LHFPL3: variants seen among roughly 807,000 people sequenced by gnomAD.
LHFPL3 encodes LHFPL tetraspan subfamily member 3 protein.
A neutral mutation model predicts 19.3 loss-of-function variants in LHFPL3; 5 were observed. That is an observed-to-expected ratio of 0.26 (90% confidence interval 0.14 to 0.54). The LOEUF (loss-of-function observed/expected upper bound fraction) is 0.54. Ranked by LOEUF, LHFPL3 falls within the 20% of genes least tolerant of loss-of-function variation. The pLI is 0.94. For synonymous variants in LHFPL3, 133 were observed against 126.2 expected, an observed-to-expected ratio of 1.05 and a Z score of -0.36; for missense variants, 249 against 307.4, an observed-to-expected ratio of 0.81 and a Z score of 1.42.
At chr7:104,838,260 G>A (rs1338757308) in intron 2 of LHFPL3, among the ~76,000 whole-genome samples, 2 of 152,100 alleles carry the variant, frequency 1.3e-5, no homozygotes, top group East Asian at 3.8e-4. Context: ...ATCTATCTGG[G>A]GAGGGAGGAA....
intron 2 of LHFPL3, among the ~76,000 whole-genome samples, chr7:104,821,219 T>C (rs1790671194): frequency 6.6e-6 from 1 of 152,224 alleles, no homozygotes; most frequent in Admixed American, 6.5e-5. Flanking sequence ...CAAGTGTCTA[T>C]GAGTGGCGAG....
At chr7:104,385,994 A>G (rs1790934880) in intron 1 of LHFPL3, among the ~76,000 whole-genome samples, 2 of 152,160 alleles carry the variant, frequency 1.3e-5, no homozygotes, top group African/African-American at 4.8e-5. Flanking sequence ...AATTAACCAA[A>G]GGCTTACAAA....
At chr7:104,797,531 T>C (rs140676486) in intron 2 of LHFPL3, among the ~76,000 whole-genome samples, 8 of 152,264 alleles carry the variant, frequency 5.3e-5, no homozygotes, top group Non-Finnish European at 8.8e-5. Flanking sequence ...AGTCAGCCCA[T>C]GATGGAGATG....
intron 1 of LHFPL3, among the ~76,000 whole-genome samples, chr7:104,646,744 C>G (rs1791942698): frequency 6.6e-6 from 1 of 152,220 alleles, no homozygotes; most frequent in African/African-American, 2.4e-5. Flanking sequence ...TTATTTTCCA[C>G]AAGAATGATA....
At chr7:104,827,849 A>G (rs532538977) in intron 2 of LHFPL3, among the ~76,000 whole-genome samples, 2 of 152,034 alleles carry the variant, frequency 1.3e-5, no homozygotes, top group East Asian at 3.9e-4. Flanking sequence ...TCTCTGGATC[A>G]CAGTCCAGAG....
intron 1 of LHFPL3, among the ~76,000 whole-genome samples, chr7:104,700,712 A>C (rs1021033137): frequency 6.6e-6 from 1 of 152,176 alleles, no homozygotes; most frequent in Non-Finnish European, 1.5e-5. Flanking sequence ...CACTTTTCTT[A>C]TATTTCCATC....
intron 1 of LHFPL3, among the ~76,000 whole-genome samples, chr7:104,441,680 A>C (rs112455579): frequency 0.037 from 5,700 of 152,214 alleles, 142 homozygotes; most frequent in Middle Eastern, 0.061. Context: ...GGTTCAAGTG[A>C]TTCTCCGGCC....
chr7:104,799,348 G>A (rs1394880195), intron 2 of LHFPL3: 2 of 152,232 alleles, frequency 1.3e-5, no homozygotes, highest in Admixed American at 6.5e-5. Context: ...GTCAGGAGGA[G>A]AGTAGGGTCT....
intron 2 of LHFPL3, among the ~76,000 whole-genome samples, chr7:104,776,739 C>T (rs1201675570): frequency 6.6e-6 from 1 of 152,164 alleles, no homozygotes; most frequent in African/African-American, 2.4e-5. Context: ...GCAACAGTTC[C>T]CCTGTATTTG....
At chr7:104,507,427 C>T (rs1256676469) in intron 1 of LHFPL3, among the ~76,000 whole-genome samples, 3 of 142,218 alleles carry the variant, frequency 2.1e-5, no homozygotes, top group South Asian at 2.2e-4. Context: ...GAAACTGGAT[C>T]CCTTCCTTAC....
At chr7:104,850,478 C>G (rs551111463) in intron 2 of LHFPL3, among the ~76,000 whole-genome samples, 1 of 152,316 alleles carries the variant, frequency 6.6e-6, no homozygotes, top group Admixed American at 6.5e-5. Flanking sequence ...GCCCCAACAA[C>G]TGCTTCCCCA....
At chr7:104,871,620 A>G (rs1791839588) in intron 2 of LHFPL3, among the ~76,000 whole-genome samples, 1 of 152,174 alleles carries the variant, frequency 6.6e-6, no homozygotes, top group African/African-American at 2.4e-5. Context: ...TTAGAATAAC[A>G]CTTAGTGTAA....
At chr7:104,788,038 T>A (rs566577438) in intron 2 of LHFPL3, among the ~76,000 whole-genome samples, 3 of 152,326 alleles carry the variant, frequency 2.0e-5, no homozygotes, top group East Asian at 3.9e-4. Context: ...TTAAACCCTG[T>A]GCATCACAAC....
chr7:104,623,764 G>A lies in LHFPL3; in HGVS notation c.446-112911G>A, dbSNP rs370699435. Among the ~76,000 whole-genome samples, 91 of 152,276 alleles carry A rather than the reference G, an allele frequency of 6.0e-4. 1 individual carries two copies. Among genetic ancestry groups the A allele is most frequent in the South Asian group, 2.7e-3 (13 of 4,818 alleles). ...AGGAGAAGCAAGGTTCCTGGCCCAC[G>A]GCTGCAGCTGAGCTTCCAGCCAAAG... On this transcript the variant is annotated intron_variant, in intron 1 of 2. Transcript: ENST00000424859.
chr7:104,808,635 T>C (rs1462556494), intron 2 of LHFPL3, among the ~76,000 whole-genome samples: 1 of 152,170 alleles, frequency 6.6e-6, no homozygotes, highest in African/African-American at 2.4e-5. Flanking sequence ...AGTTTGGATA[T>C]TGAGAGGTAA....
intron 1 of LHFPL3, among the ~76,000 whole-genome samples, chr7:104,566,346 G>A (rs961058703): frequency 9.2e-5 from 14 of 151,992 alleles, no homozygotes; most frequent in Non-Finnish European, 1.8e-4. Flanking sequence ...GCAAGACCCT[G>A]TCTCTCAAAA....
At chr7:104,485,798 C>T (rs898293604) in intron 1 of LHFPL3, among the ~76,000 whole-genome samples, 5 of 152,210 alleles carry the variant, frequency 3.3e-5, no homozygotes, top group Middle Eastern at 3.4e-3. Context: ...AGGCCTCGCT[C>T]GGTGTGTGAT....
At chr7:104,483,945 A>G (rs1192478803) in intron 1 of LHFPL3, among the ~76,000 whole-genome samples, 1 of 152,170 alleles carries the variant, frequency 6.6e-6, no homozygotes, top group East Asian at 1.9e-4. Context: ...GTCATTTTAT[A>G]TAAGATTCAA....
chr7:104,491,162 C>T (rs973998807), intron 1 of LHFPL3, among the ~76,000 whole-genome samples: 1 of 152,022 alleles, frequency 6.6e-6, no homozygotes, highest in African/African-American at 2.4e-5. Context: ...GAGGCTGTAA[C>T]ACTGTGTTGC....
Sources: gnomAD v4.1 joint callset for allele counts (sites outside exome capture counted in the v4.1 genomes callset) on GRCh38, gnomAD v4.1.1 for gene constraint, MANE v1.5 for transcripts, NCBI Gene and HGNC (gene_info 2026-07-23, HGNC 2026-07-21) for gene names.